CHMP1A: variants seen among roughly 807,000 people sequenced by gnomAD.
The protein encoded by CHMP1A is VPS46 homolog A.
Under a neutral mutation model 27.0 loss-of-function variants are expected in CHMP1A, and 17 were observed. That is an observed-to-expected ratio of 0.63 (90% CI 0.43 to 0.95). The LOEUF (loss-of-function observed/expected upper bound fraction) is 0.95. Ranked by LOEUF, CHMP1A falls within the 40% of genes least tolerant of loss-of-function variation. CHMP1A has a pLI of 0.00. For missense variants in CHMP1A, 275 were observed against 264.0 expected, an observed-to-expected ratio of 1.04 and a Z score of -0.29; for synonymous variants, 131 against 107.5, an observed-to-expected ratio of 1.22 and a Z score of -1.35.
Position 89,646,558 on chromosome 16 carries a change from C to G in CHMP1A, c.538G>C (p.Val180Leu). The change falls in exon 6 of 7, where the codon GTG becomes CTG. Residue 180 changes from valine to leucine, a missense_variant. Coordinates refer to ENST00000397901, the MANE Select transcript of CHMP1A (RefSeq NM_002768.5). ...GACAGCTGGTCCTCCTGGCTGCGCA[C>G]AGAGCTCTCGCCCACGGCAGAGGCG... is the stretch of plus-strand genomic sequence containing the variant. ...EGASAVGESS[V>L]RSQEDQLSRR... is the part of the protein sequence containing the mutation. 2 of 1,592,844 alleles carry G rather than the reference C, an allele frequency of 1.3e-6. No homozygotes were observed. The highest frequency in any genetic ancestry group is 1.7e-6 in the Non-Finnish European group (2 of 1,171,086).
chr16:89,654,680 C>T (rs530136184), intron 1 of CHMP1A, among the ~76,000 whole-genome samples: 14 of 152,194 alleles, frequency 9.2e-5, no homozygotes, highest in African/African-American at 3.1e-4. Flanking sequence ...CGGTGGCTCA[C>T]GCCTGTAATC....
chr16:89,655,182 G>A (rs555082744), intron 1 of CHMP1A, among the ~76,000 whole-genome samples: 18 of 152,156 alleles, frequency 1.2e-4, no homozygotes, highest in African/African-American at 3.6e-4. Context: ...TCAATCTATC[G>A]CCTGTCAGTG....
At chr16:89,654,671 G>A (rs765425887) in intron 1 of CHMP1A, among the ~76,000 whole-genome samples, 17 of 151,548 alleles carry the variant, frequency 1.1e-4, no homozygotes, top group Non-Finnish European at 1.5e-4. Context: ...TGCCGGGTGC[G>A]GTGGCTCACG....
intron 6 of CHMP1A, 113 bp downstream of exon 6, chr16:89,646,413 TG>T: frequency 8.4e-7 from 1 of 1,193,896 alleles, no homozygotes; most frequent in Non-Finnish European, 1.2e-6. Flanking sequence ...CAGGGCTCCC[TG>T]GTCGGAGCCT....
Position 89,649,374 on chromosome 16 carries a change from G to C in CHMP1A, c.229C>G (p.Gln77Glu), listed in dbSNP as rs1059948. ...SRVDAVASKV[Q>E]TAVTMKGVTK... The stretch of plus-strand genomic sequence containing the variant: ...ACCCCCTTCATAGTCACAGCTGTCT[G>C]CACCTTGGAGGCCACTGCGTCTACG... Residue 77 changes from glutamine to glutamate, a missense_variant, in exon 4 of 7, where the codon CAG becomes GAG. Coordinates refer to ENST00000397901, the MANE Select transcript of CHMP1A (RefSeq NM_002768.5). 1.9e-6 allele frequency: 3 copies of C among 1,613,456 alleles called. No individual in the cohort carries two copies. The East Asian group carries it at 6.7e-5, about 36-fold the overall frequency.
intron 4 of CHMP1A, among the ~76,000 whole-genome samples, chr16:89,648,746 C>G (rs2059800523): frequency 2.0e-5 from 2 of 100,458 alleles, no homozygotes; most frequent in South Asian, 3.9e-4. Context: ...AAAAAATCAG[C>G]TGGGCATGGT....
rs145984132 is a variant in CHMP1A at position 89,653,434 on chromosome 16, C to T, written c.27+470G>A. On this transcript the variant is annotated intron_variant, in intron 2 of 6. Transcript: ENST00000397901. ...AAGAGATCGAGACCATCCTGGCCAA[C>T]GTGGTGAAACCCCGTCTCTATTAAA... Among the ~76,000 whole-genome samples, 767 of 150,486 alleles carry T rather than the reference C, an allele frequency of 5.1e-3. 6 individuals are homozygous for T. Among genetic ancestry groups the T allele is most frequent in the African/African-American group, 0.018 (737 of 41,244 alleles).
chr16:89,648,847 C>T (rs565915291), intron 4 of CHMP1A, among the ~76,000 whole-genome samples: 4 of 112,084 alleles, frequency 3.6e-5, no homozygotes, highest in Non-Finnish European at 5.6e-5. Context: ...CCAACATAGA[C>T]ACCCTGTCTC....
At chr16:89,655,466 TC>T (rs1401225445) in intron 1 of CHMP1A, among the ~76,000 whole-genome samples, 107 of 129,042 alleles carry the variant, frequency 8.3e-4, no homozygotes, top group African/African-American at 2.6e-3. Flanking sequence ...ACCTCAGCTT[TC>T]CCTCACCTCA....
intron 4 of CHMP1A, 113 bp downstream of exon 4, chr16:89,649,238 C>CCA: frequency 7.8e-7 from 1 of 1,285,858 alleles, no homozygotes; most frequent in Non-Finnish European, 1.1e-6. Context: ...CCTCCCCACC[C>CCA]CGCGCTGATC....
chr16:89,647,054 G>A lies in CHMP1A; in HGVS notation c.381+149C>T, dbSNP rs528570794. ...CCCTACCTGTCAGGGTCCTGGCAGG[G>A]ACCCAGCACAGAGGATGCTTGGTGA... On this transcript the variant is annotated intron_variant, in intron 5 of 6. Coordinates refer to ENST00000397901, the MANE Select transcript of CHMP1A (RefSeq NM_002768.5). 6.5e-6 allele frequency: 10 copies of A among 1,531,360 alleles called. No homozygotes were observed. The African/African-American group carries it at 1.2e-4, about 19-fold the overall frequency. 94.9% of individuals were successfully genotyped at this position (1,531,360 alleles called of 1,614,324 possible).
At position 89,657,603 on chromosome 16, in the gene CHMP1A, G is replaced by A. The variant is rs761828953; in HGVS notation, c.-15C>T. 1.2e-6 allele frequency: 2 copies of A among 1,611,184 alleles called. No homozygotes were observed. The highest frequency in any genetic ancestry group is 1.7e-6 in the Non-Finnish European group (2 of 1,179,246). ...TTACCGTCCATGGCCACAATGACAG[G>A]AGCAGCACTCGGAGAGGGAGAAGGG... is the stretch of plus-strand genomic sequence containing the variant. On this transcript the variant is annotated 5_prime_UTR_variant, in exon 1 of 7. Coordinates refer to ENST00000397901, the MANE Select transcript of CHMP1A (RefSeq NM_002768.5).
rs202216357 is a variant in CHMP1A, at chr16:89,646,573, C to T, written c.523G>A (p.Val175Met). The T allele has an allele frequency of 3.1e-5, 49 of 1,596,514 alleles. 1 individual carries two copies. Among genetic ancestry groups the T allele is most frequent in the South Asian group, 5.7e-5 (5 of 87,828 alleles). ...TGGCTGCGCACAGAGCTCTCGCCCA[C>T]GGCAGAGGCGCCCTCGGGCAGCTGG... ...LSQLPEGASA[V>M]GESSVRSQED... The change falls in exon 6 of 7, where the codon GTG (valine) becomes ATG (methionine). Residue 175 changes from valine to methionine, a missense_variant. By Grantham distance (21) the Val-to-Met change is conservative (BLOSUM62 1). Transcript: ENST00000397901.
At chr16:89,647,099 G>A (rs1385512043) in intron 5 of CHMP1A, 104 bp downstream of exon 5, 1 of 1,540,508 alleles carries the variant, frequency 6.5e-7, no homozygotes, top group East Asian at 2.4e-5. Flanking sequence ...GCAACCACAG[G>A]TATGCAGAGA....
intron 4 of CHMP1A, 78 bp downstream of exon 4, chr16:89,649,273 C>G (rs2059805644): frequency 6.4e-7 from 1 of 1,556,052 alleles, no homozygotes; most frequent in Non-Finnish European, 8.7e-7. Flanking sequence ...TCTGAGCTGC[C>G]CCAGATCCAG....
In CHMP1A at chr16:89,646,521, C is replaced by G; in HGVS notation, c.569+6G>C. ...GGTGACACAGCGTTTCGGGGACCGA[C>G]CCTACCTCCGTGACAGCTGGTCCTC... On this transcript the variant is annotated splice_donor_region_variant and intron_variant, in intron 6 of 6. Coordinates refer to ENST00000397901, the MANE Select transcript of CHMP1A (RefSeq NM_002768.5). 6.4e-7 allele frequency: 1 copy of G among 1,571,544 alleles called. No homozygotes were observed. Among genetic ancestry groups the G allele is most frequent in the Non-Finnish European group, 8.6e-7 (1 of 1,158,702 alleles).
chr16:89,646,951 C>G (rs2059778790), intron 5 of CHMP1A: 1 of 1,264,224 alleles, frequency 7.9e-7, no homozygotes, highest in East Asian at 2.8e-5. Context: ...TCTTTCCACA[C>G]CTCTGCATGC....
chr16:89,649,466 C>T lies in CHMP1A; in HGVS notation c.137G>A (p.Arg46His), dbSNP rs1428402804. 10 of 1,613,610 alleles carry T rather than the reference C, an allele frequency of 6.2e-6. No homozygotes were observed. The highest frequency in any genetic ancestry group is 4.5e-5 in the East Asian group (2 of 44,884). ...ALLQKNVECARVYAENAIRKK... is the reference protein window; with the variant it reads ...ALLQKNVECAHVYAENAIRKK... Reference sequence around the variant, plus strand: ...GCGGATGGCGTTCTCGGCATACACACGGGCACACTCTACATTTTTCTGCAG... The same window carrying T: ...GCGGATGGCGTTCTCGGCATACACATGGGCACACTCTACATTTTTCTGCAG... Residue 46 changes from arginine (R) to histidine (H), a missense_variant, in exon 4 of 7, where the codon CGT becomes CAT. Coordinates refer to ENST00000397901, the MANE Select transcript of CHMP1A (RefSeq NM_002768.5).
intron 4 of CHMP1A, among the ~76,000 whole-genome samples, chr16:89,647,719 GC>G: frequency 2.1e-4 from 1 of 4,758 alleles, no homozygotes; most frequent in East Asian, 5.2e-3. Flanking sequence ...TGGAGAAAAG[GC>G]CGCCGACGTG....
Sources: allele counts gnomAD v4.1 joint callset (sites outside exome capture counted in the v4.1 genomes callset), GRCh38; gene constraint gnomAD v4.1.1; transcripts MANE v1.5; gene names NCBI Gene and HGNC (gene_info 2026-07-23, HGNC 2026-07-21).